Variants in ASMT observed in about 807,000 individuals in gnomAD.
ASMT encodes acetylserotonin N-methyltransferase.
ASMT carries 53 observed loss-of-function variants against 41.3 expected under a neutral mutation model. That is an observed-to-expected ratio of 1.28 (90% CI 1.03 to 1.61). The LOEUF (loss-of-function observed/expected upper bound fraction) is 1.61. Ranked by LOEUF, ASMT falls within the 40% of genes most tolerant of loss-of-function variation. ASMT has a pLI of 0.00. For synonymous variants in ASMT, 231 were observed against 184.8 expected (o/e 1.25, Z -2.03); for missense variants, 531 against 441.3 (o/e 1.20, Z -1.82).
rs758248222 is a variant in ASMT at position 1,633,217 on chromosome X, C to T, written c.714C>T (p.Asp238=). The change falls in exon 7 of 9, where the codon GAC becomes GAT. Residue 238 remains aspartate (D), a synonymous_variant. Coordinates refer to ENST00000381241, the MANE Select transcript of ASMT (RefSeq NM_001171038.2). ...CTGGATGTAAGATCACCGTTTTTGA[C>T]ATCCCAGAAGTGGTGTGGACGGCAA... ...LYPGCKITVF[D]IPEVVWTAKQ... is the part of the protein sequence containing the mutation. The T allele has an allele frequency of 8.1e-6, 13 of 1,613,742 alleles. No individual in the cohort carries two copies. The South Asian group carries it at 1.3e-4, about 16-fold the overall frequency.
intron 2 of ASMT, among the ~76,000 whole-genome samples, chrX:1,624,007 T>C (rs1174723631): frequency 2.6e-5 from 4 of 152,062 alleles, no homozygotes; most frequent in African/African-American, 9.7e-5. Flanking sequence ...TCGTGGCTCA[T>C]CTGCCTTTGT....
rs1275677438 is a variant in ASMT, at chrX:1,619,057, G to T, written c.69+3789G>T. On this transcript the variant is annotated intron_variant, in intron 1 of 8. Coordinates refer to ENST00000381241, the MANE Select transcript of ASMT (RefSeq NM_001171038.2). ...TTAACAGAAACAATTAGCTAATGCA[G>T]CTTTCATAGACCAAGAGTGAATATC... Among the ~76,000 whole-genome samples the T allele has an allele frequency of 6.6e-5, 10 of 152,150 alleles. No individual in the cohort carries two copies. In the South Asian group the frequency reaches 1.2e-3, roughly 19 times the overall value.
In ASMT at chrX:1,615,773, G is replaced by A. The variant is rs769490629; in HGVS notation, c.69+505G>A. Among the ~76,000 whole-genome samples the A allele has an allele frequency of 4.0e-5, 6 of 151,794 alleles. No individual in the cohort carries two copies. The East Asian group carries it at 5.9e-4, about 15-fold the overall frequency. ...GCCGAGATCGCACCACTGCACTCCC[G>A]CCTGGGGGACACAGCAAGACTCTGT... On this transcript the variant is annotated intron_variant, in intron 1 of 8. Coordinates refer to ENST00000381241, the MANE Select transcript of ASMT (RefSeq NM_001171038.2).
Position 1,632,885 on chromosome X carries a change from G to T in ASMT, c.646+98G>T, listed in dbSNP as rs1289341062. 2.8e-4 allele frequency: 157 copies of T among 560,226 alleles called. 1 individual carries two copies. The highest frequency in any genetic ancestry group is 2.4e-3 in the African/African-American group (127 of 53,288). 34.7% of individuals were successfully genotyped at this position (560,226 alleles called of 1,614,324 possible). On this transcript the variant is annotated intron_variant, in intron 6 of 8. Transcript: ENST00000381241. ...GGGGGCTGGGAGGCTGGGGGAGGGA[G>T]AGCACTAGGACAAATACCTAATGTA...
intron 1 of ASMT, among the ~76,000 whole-genome samples, chrX:1,615,724 C>A (rs1212563072): frequency 1.3e-5 from 2 of 151,848 alleles, no homozygotes; most frequent in Non-Finnish European, 2.9e-5. Context: ...ATCGCTTGAA[C>A]CTGGGAGGCG....
chrX:1,615,711 A>G (rs1934064169), intron 1 of ASMT, among the ~76,000 whole-genome samples: 1 of 151,946 alleles, frequency 6.6e-6, no homozygotes, highest in South Asian at 2.1e-4. Context: ...CTGAGGCAGG[A>G]GAATCGCTTG....
At chrX:1,630,532 C>T (rs1467069611) in intron 5 of ASMT, among the ~76,000 whole-genome samples, 3 of 151,960 alleles carry the variant, frequency 2.0e-5, no homozygotes, top group Non-Finnish European at 4.4e-5. Context: ...GTCTCGAACT[C>T]CTGACCTCAT....
intron 3 of ASMT, among the ~76,000 whole-genome samples, chrX:1,625,542 A>AAGGAAGGG (rs1556100556): frequency 5.9e-4 from 40 of 68,308 alleles, no homozygotes; most frequent in Admixed American, 1.0e-3. Context: ...GGAAGGAAGG[A>AAGGAAGGG]AGGGAGGGAG....
chrX:1,616,151 C>G (rs1206879061), intron 1 of ASMT, among the ~76,000 whole-genome samples: 1 of 147,254 alleles, frequency 6.8e-6, no homozygotes, highest in Non-Finnish European at 1.5e-5. Context: ...GCTTCAGCCT[C>G]CCGAGTATCT....
At chrX:1,632,916 C>T (rs780970369) in intron 6 of ASMT, 129 bp downstream of exon 6, 51 of 614,482 alleles carry the variant, frequency 8.3e-5, no homozygotes, top group East Asian at 7.6e-4. Context: ...ATGTAAATGA[C>T]GAGTCGATGG....
chrX:1,625,885 G>A (rs112922663), intron 3 of ASMT, among the ~76,000 whole-genome samples: 4 of 149,736 alleles, frequency 2.7e-5, no homozygotes, highest in Non-Finnish European at 5.9e-5. Context: ...AACCCGGGAG[G>A]CGGAGGTTGC....
intron 2 of ASMT, 128 bp downstream of exon 2, chrX:1,623,441 T>C (rs1934410500): frequency 4.1e-6 from 5 of 1,214,352 alleles, no homozygotes; most frequent in South Asian, 1.3e-5. Context: ...CTAAAAAAAA[T>C]ACAAAAAATT....
intron 8 of ASMT, among the ~76,000 whole-genome samples, chrX:1,636,783 C>G (rs1287629488): frequency 6.6e-6 from 1 of 152,242 alleles, no homozygotes; most frequent in Admixed American, 6.5e-5. Context: ...CCCTCTGAAA[C>G]TTCAGTGGCC....
chrX:1,636,342 C>T (rs1243012806), intron 7 of ASMT, 96 bp from the exon 8 acceptor site: 144 of 1,572,242 alleles, frequency 9.2e-5, no homozygotes, highest in South Asian at 4.3e-4. Flanking sequence ...CTGGGAAAGG[C>T]GTGACCCATC....
chrX:1,620,065 C>T (rs1934282958), intron 1 of ASMT, among the ~76,000 whole-genome samples: 1 of 150,374 alleles, frequency 6.7e-6, no homozygotes, highest in Non-Finnish European at 1.5e-5. Flanking sequence ...TGCACTCCAG[C>T]CTGGGTGACA....
chrX:1,625,934 G>C (rs745548734), intron 3 of ASMT, among the ~76,000 whole-genome samples: 23 of 129,636 alleles, frequency 1.8e-4, no homozygotes, highest in Admixed American at 1.2e-3. Context: ...CAGCCTGGGC[G>C]ACAGAGCGAG....
intron 2 of ASMT, among the ~76,000 whole-genome samples, chrX:1,623,854 G>C (rs1934425517): frequency 6.6e-6 from 1 of 151,912 alleles, no homozygotes. Flanking sequence ...TCGTCACGTT[G>C]GCCAGGCCGG....
At chrX:1,621,529 G>A (rs747361979) in intron 1 of ASMT, among the ~76,000 whole-genome samples, 192 of 152,106 alleles carry the variant, frequency 1.3e-3, no homozygotes, top group Non-Finnish European at 1.9e-3. Flanking sequence ...TGTTGGCCAG[G>A]TTAGCCCTGA....
At chrX:1,630,170 A>T (rs1476506924) in intron 5 of ASMT, among the ~76,000 whole-genome samples, 1 of 151,950 alleles carries the variant, frequency 6.6e-6, no homozygotes, top group African/African-American at 2.4e-5. Flanking sequence ...AGCTTGCTCC[A>T]TCGCCCAGGC....
Sources: gnomAD v4.1 joint callset for allele counts (sites outside exome capture counted in the v4.1 genomes callset) on GRCh38, gnomAD v4.1.1 for gene constraint, MANE v1.5 for transcripts, NCBI Gene and HGNC (gene_info 2026-07-23, HGNC 2026-07-21) for gene names.